The following IGF2BP2 variants were observed in gnomAD, a reference collection of about 807,000 sequenced individuals.
IGF2BP2 encodes the protein insulin like growth factor 2 mRNA binding protein 2, also known as insulin-like growth factor 2 mRNA-binding protein 2.
A neutral mutation model predicts 75.8 loss-of-function variants in IGF2BP2; 17 were observed. The ratio of observed to expected loss-of-function variants is 0.22; its 90% CI spans 0.15 to 0.34. IGF2BP2 has a LOEUF of 0.34. IGF2BP2 is among the 10% of genes least tolerant of loss of function. The pLI, the probability that IGF2BP2 is intolerant of heterozygous loss-of-function variation, is 1.00. For missense variants in IGF2BP2, 516 were observed against 772.4 expected (o/e 0.67, Z 3.93); for synonymous variants, 288 against 295.6 (o/e 0.97, Z 0.26).
At position 185,672,657 on chromosome 3, in the gene IGF2BP2, G is replaced by A. The variant is rs760675377; in HGVS notation, c.1084C>T (p.Leu362=). 1 of 1,614,136 alleles carries A rather than the reference G, an allele frequency of 6.2e-7. No homozygotes were observed. Among genetic ancestry groups the A allele is most frequent in the South Asian group, 1.1e-5 (1 of 91,080 alleles). ...DMLAVNQQAN[L]IPGLNLSALG... ...GCGCTGAGGTTCAACCCTGGGATCA[G>A]ATTGGCTTGTTGCTGGGAATAGAAA... The change falls in exon 10 of 16, where the codon CTG becomes TTG. Residue 362 remains leucine, a synonymous_variant. Transcript: ENST00000382199.
At chr3:185,733,294 AAG>A (rs1439581807) in intron 2 of IGF2BP2, among the ~76,000 whole-genome samples, 1 of 152,214 alleles carries the variant, frequency 6.6e-6, no homozygotes, top group African/African-American at 2.4e-5. Context: ...TCCCAAGGAA[AAG>A]AGGGTGCTCC....
At chr3:185,723,790 T>C (rs1726921243) in intron 2 of IGF2BP2, among the ~76,000 whole-genome samples, 1 of 151,810 alleles carries the variant, frequency 6.6e-6, no homozygotes, top group African/African-American at 2.4e-5. Context: ...CAGCATACGA[T>C]GGGAGCTCAG....
intron 14 of IGF2BP2, 140 bp downstream of exon 14, chr3:185,649,263 C>A: frequency 8.7e-7 from 1 of 1,150,606 alleles, no homozygotes; most frequent in Non-Finnish European, 1.2e-6. Flanking sequence ...GCTCAGATGC[C>A]AGGAGAGCCT....
At chr3:185,818,092 C>A (rs1740843073) in intron 2 of IGF2BP2, among the ~76,000 whole-genome samples, 1 of 152,100 alleles carries the variant, frequency 6.6e-6, no homozygotes, top group South Asian at 2.1e-4. Context: ...GAAACTATTT[C>A]AATATAACGC....
chr3:185,659,897 C>A (rs977841482), intron 10 of IGF2BP2, among the ~76,000 whole-genome samples: 1 of 151,924 alleles, frequency 6.6e-6, no homozygotes, highest in Non-Finnish European at 1.5e-5. Flanking sequence ...CGGGTTCAAG[C>A]GATTCTCCTG....
intron 1 of IGF2BP2, 93 bp downstream of exon 1, chr3:185,824,677 GCGGGAGCCGCCGC>G: frequency 1.2e-6 from 1 of 808,002 alleles, no homozygotes; most frequent in Non-Finnish European, 1.7e-6. Context: ...GCGTGCGGGC[GCGGGAGCCGCCGC>G]CGGGCGCCGC....
At chr3:185,799,158 G>A (rs2149921065) in intron 2 of IGF2BP2, among the ~76,000 whole-genome samples, 1 of 151,868 alleles carries the variant, frequency 6.6e-6, no homozygotes, top group East Asian at 2.0e-4. Flanking sequence ...TCAACATATT[G>A]GGAGGTCAAG....
intron 2 of IGF2BP2, among the ~76,000 whole-genome samples, chr3:185,735,765 A>G (rs572633453): frequency 6.6e-6 from 1 of 152,302 alleles, no homozygotes; most frequent in Non-Finnish European, 1.5e-5. Context: ...AAATATTTCT[A>G]AAAATATACC....
intron 2 of IGF2BP2, among the ~76,000 whole-genome samples, chr3:185,757,147 T>C (rs1424305935): frequency 1.3e-5 from 2 of 152,224 alleles, no homozygotes; most frequent in South Asian, 2.1e-4. Flanking sequence ...AACCTTTTCC[T>C]GCACTTTGAA....
chr3:185,686,713 CAT>C (rs1280741239), intron 7 of IGF2BP2, among the ~76,000 whole-genome samples: 1 of 152,088 alleles, frequency 6.6e-6, no homozygotes, highest in African/African-American at 2.4e-5. Flanking sequence ...TCAATAGCAA[CAT>C]GTGGCTATTG....
At chr3:185,736,679 C>A (rs1297708496) in intron 2 of IGF2BP2, among the ~76,000 whole-genome samples, 1 of 152,240 alleles carries the variant, frequency 6.6e-6, no homozygotes, top group Non-Finnish European at 1.5e-5. Context: ...GGACACCATG[C>A]AGGTGGGGAA....
intron 10 of IGF2BP2, among the ~76,000 whole-genome samples, chr3:185,667,382 G>A (rs1717809556): frequency 1.3e-5 from 2 of 152,140 alleles, no homozygotes; most frequent in African/African-American, 2.4e-5. Context: ...AGGCTGAGGT[G>A]GGAGGATTGC....
At chr3:185,821,089 C>A in intron 2 of IGF2BP2, 1 of 1,534,768 alleles carries the variant, frequency 6.5e-7, no homozygotes, top group Middle Eastern at 1.7e-4. Flanking sequence ...GAAGTCTGAT[C>A]TCAGTACACA....
At position 185,811,878 on chromosome 3, in the gene IGF2BP2, C is replaced by CT. The variant is rs59643123; in HGVS notation, c.239+11274_239+11275insA. Among the ~76,000 whole-genome samples the CT allele has an allele frequency of 1.0e-3, 54 of 52,478 alleles. 3 individuals are homozygous for CT. Among genetic ancestry groups the CT allele is most frequent in the Admixed American group, 2.1e-3 (15 of 6,980 alleles). The allele number at this position is 52,478 out of a possible 152,430, so 34.4% of individuals were successfully genotyped here. The stretch of plus-strand genomic sequence containing the variant: ...TCTCTCTCTCTCTCTCTCTCTCTCT[C>CT]CCCCTCTCCCTGCCTGGGCATCAGA... On this transcript the variant is annotated intron_variant, in intron 2 of 15. Transcript: ENST00000382199.
intron 10 of IGF2BP2, among the ~76,000 whole-genome samples, chr3:185,661,518 T>C (rs919435035): frequency 1.3e-5 from 2 of 151,580 alleles, no homozygotes; most frequent in African/African-American, 2.4e-5. Context: ...ACACCTGCAA[T>C]TCCAGCTATT....
In IGF2BP2 at chr3:185,695,469, G is replaced by A. The variant is rs144309658; in HGVS notation, c.340+1143C>T. Among the ~76,000 whole-genome samples, 450 of 152,240 alleles carry A rather than the reference G, an allele frequency of 3.0e-3. 2 individuals are homozygous for A. The highest frequency in any genetic ancestry group is 0.01 in the African/African-American group (424 of 41,548). ...CACTTGTGCATACTGAGTCAGTGAG[G>A]TTATTTGACTTTTTCAAGGGTTCGC... On this transcript the variant is annotated intron_variant, in intron 4 of 15. Coordinates refer to ENST00000382199, the MANE Select transcript of IGF2BP2 (RefSeq NM_006548.6).
intron 2 of IGF2BP2, among the ~76,000 whole-genome samples, chr3:185,764,926 C>T (rs1240150872): frequency 6.6e-6 from 1 of 152,188 alleles, no homozygotes; most frequent in African/African-American, 2.4e-5. Context: ...AGGACACTGG[C>T]ACGCCTCTTC....
intron 2 of IGF2BP2, among the ~76,000 whole-genome samples, chr3:185,700,058 G>A (rs1723081818): frequency 6.6e-6 from 1 of 151,964 alleles, no homozygotes; most frequent in Admixed American, 6.6e-5. Context: ...CTCATTTTGG[G>A]GGGTTGCCAG....
intron 2 of IGF2BP2, among the ~76,000 whole-genome samples, chr3:185,771,439 C>CAAA (rs1409378378): frequency 6.5e-4 from 51 of 78,380 alleles, no homozygotes; most frequent in African/African-American, 2.2e-3. Flanking sequence ...GACTTCGTCT[C>CAAA]AAAAAAAAAA....
Sources: gnomAD v4.1 joint callset for allele counts (sites outside exome capture counted in the v4.1 genomes callset) on GRCh38, gnomAD v4.1.1 for gene constraint, MANE v1.5 for transcripts, NCBI Gene and HGNC (gene_info 2026-07-23, HGNC 2026-07-21) for gene names.